GUCY1A2: variants seen among roughly 807,000 people sequenced by gnomAD.
The protein encoded by GUCY1A2 is guanylate cyclase 1 soluble subunit alpha 2, also known as guanylate cyclase soluble subunit alpha-2.
A neutral mutation model predicts 63.5 loss-of-function variants in GUCY1A2; 27 were observed. The ratio of observed to expected loss-of-function variants is 0.43; its 90% CI spans 0.31 to 0.59. The LOEUF (loss-of-function observed/expected upper bound fraction) is 0.59, where lower values mean the gene tolerates loss of function less well. GUCY1A2 is among the 20% of genes least tolerant of loss of function. The probability of loss-of-function intolerance (pLI) is 0.11; values close to 1 mark genes in which losing one functional copy is unlikely to be tolerated. For synonymous variants in GUCY1A2, 364 were observed against 343.5 expected (o/e 1.06, Z -0.66); for missense variants, 768 against 913.3 (o/e 0.84, Z 2.05).
chr11:106,997,687 T>C (rs1365476527), intron 1 of GUCY1A2, among the ~76,000 whole-genome samples: 5 of 128,320 alleles, frequency 3.9e-5, no homozygotes, highest in East Asian at 2.6e-4. Context: ...TGAGAAATAA[T>C]AGCATGGTAG....
intron 4 of GUCY1A2, among the ~76,000 whole-genome samples, chr11:106,921,369 C>T (rs1279989939): frequency 6.6e-6 from 1 of 151,120 alleles, no homozygotes; most frequent in South Asian, 2.1e-4. Context: ...CCCAGGGATC[C>T]ATGCCAGACA....
In GUCY1A2 at chr11:106,729,732, G is replaced by C. The variant is rs189188513; in HGVS notation, c.1837-21066C>G. ...GAGTAATCACAATTAATTATGCCAG[G>C]CTAGAAAGAGTGAAAATATCTTGAT... On this transcript the variant is annotated intron_variant, in intron 6 of 7. Coordinates refer to ENST00000526355, the MANE Select transcript of GUCY1A2 (RefSeq NM_000855.3). 7.2e-3 allele frequency among the ~76,000 whole-genome samples: 1,101 copies of C among 152,090 alleles called. 12 individuals carry two copies. Among genetic ancestry groups the C allele is most frequent in the Non-Finnish European group, 8.0e-3 (541 of 67,962 alleles).
rs144816417 is a variant in GUCY1A2, at chr11:106,902,379, C to T, written c.1206+37081G>A. Among the ~76,000 whole-genome samples the T allele has an allele frequency of 2.1e-4, 32 of 152,170 alleles. No individual in the cohort carries two copies. The South Asian group carries it at 2.5e-3, about 12-fold the overall frequency. ...ACCCAAGGATTTTCAAAATGGTAAA[C>T]GAAAATTGGTTTCAACTTAAAGTCA... On this transcript the variant is annotated intron_variant, in intron 4 of 7. Transcript: ENST00000526355.
chr11:106,843,454 G>A (rs991205675), intron 4 of GUCY1A2, among the ~76,000 whole-genome samples: 1 of 151,726 alleles, frequency 6.6e-6, no homozygotes, highest in Non-Finnish European at 1.5e-5. Context: ...GCTACTGAAA[G>A]GCACAGAAAT....
intron 3 of GUCY1A2, among the ~76,000 whole-genome samples, chr11:106,950,733 C>G (rs193004877): frequency 6.6e-6 from 1 of 152,188 alleles, no homozygotes; most frequent in East Asian, 1.9e-4. Context: ...TTACTCAGAG[C>G]TGTTAATCAA....
intron 7 of GUCY1A2, among the ~76,000 whole-genome samples, chr11:106,695,834 A>G: frequency 6.6e-6 from 1 of 152,148 alleles, no homozygotes; most frequent in Admixed American, 6.5e-5. Flanking sequence ...GGTTGCAAAT[A>G]TTTTTACTTG....
At chr11:106,696,743 G>T (rs748625235) in intron 7 of GUCY1A2, among the ~76,000 whole-genome samples, 5 of 151,976 alleles carry the variant, frequency 3.3e-5, no homozygotes, top group Admixed American at 6.6e-5. Context: ...GAGTTCAACC[G>T]ACTTCTTATA....
rs149424751 is a variant in GUCY1A2, at chr11:106,940,038, T to C, written c.628A>G (p.Ile210Val). Residue 210 changes from isoleucine (I) to valine (V), a missense_variant, in exon 4 of 8, where the codon ATT becomes GTT. Ile to Val is a conservative substitution (Grantham distance 29). Transcript: ENST00000526355. ...GCCTGTTTTCCAAAAGAAGTTCTAA[T>C]GTGTTCCAACAAAGCATCAAAGCCG... ...FNGFDALLEHIRTSFGKQATL... is the reference protein window; with the variant it reads ...FNGFDALLEHVRTSFGKQATL... 2 of 1,613,878 alleles carry C rather than the reference T, an allele frequency of 1.2e-6. No individual in the cohort carries two copies. Among genetic ancestry groups the C allele is most frequent in the African/African-American group, 2.7e-5 (2 of 74,892 alleles).
At chr11:107,002,388 GGTGTGTGTGTGT>G (rs71044205) in intron 1 of GUCY1A2, among the ~76,000 whole-genome samples, 2 of 149,034 alleles carry the variant, frequency 1.3e-5, no homozygotes, top group Non-Finnish European at 3.0e-5. Context: ...AATAAGAACA[GGTGTGTGTGTGT>G]GTGTGTGTGT....
chr11:106,955,642 T>C (rs1400109385), intron 3 of GUCY1A2, among the ~76,000 whole-genome samples: 3 of 152,190 alleles, frequency 2.0e-5, no homozygotes, highest in African/African-American at 7.2e-5. Flanking sequence ...TTTTCTGGCT[T>C]GTAGAGTTTC....
intron 6 of GUCY1A2, among the ~76,000 whole-genome samples, chr11:106,768,289 C>A (rs1475787434): frequency 2.6e-5 from 4 of 152,102 alleles, no homozygotes; most frequent in African/African-American, 9.7e-5. Flanking sequence ...CCACCACATG[C>A]AGCTAGAATG....
chr11:106,736,580 T>C (rs1422449375), intron 6 of GUCY1A2, among the ~76,000 whole-genome samples: 3 of 152,190 alleles, frequency 2.0e-5, no homozygotes, highest in Non-Finnish European at 4.4e-5. Context: ...TCCAGTCTTA[T>C]TCTTTTTGCT....
chr11:106,866,049 C>T (rs764764090), intron 4 of GUCY1A2, among the ~76,000 whole-genome samples: 43 of 151,796 alleles, frequency 2.8e-4, no homozygotes, highest in Non-Finnish European at 5.9e-4. Flanking sequence ...TGTGTTAAGG[C>T]TTATAATATT....
intron 6 of GUCY1A2, among the ~76,000 whole-genome samples, chr11:106,733,532 A>G (rs1863538275): frequency 6.6e-6 from 1 of 152,176 alleles, no homozygotes; most frequent in Non-Finnish European, 1.5e-5. Context: ...GATCATATAT[A>G]AAGTAATTAC....
intron 5 of GUCY1A2, among the ~76,000 whole-genome samples, chr11:106,794,410 G>A (rs571226198): frequency 9.2e-5 from 14 of 151,968 alleles, no homozygotes; most frequent in Non-Finnish European, 2.1e-4. Context: ...ACATTCTGGG[G>A]ATCTACCATA....
At chr11:106,692,849 C>T (rs1248860952) in intron 7 of GUCY1A2, among the ~76,000 whole-genome samples, 8 of 152,060 alleles carry the variant, frequency 5.3e-5, no homozygotes, top group East Asian at 1.9e-4. Context: ...TTTTTATTTG[C>T]GAATTTGCCC....
chr11:106,942,194 TA>T (rs1275769837), intron 3 of GUCY1A2, among the ~76,000 whole-genome samples: 2 of 152,346 alleles, frequency 1.3e-5, no homozygotes, highest in Admixed American at 1.3e-4. Context: ...TTATCTTACT[TA>T]ACCTTGTTTG....
At chr11:106,903,302 T>C (rs1229207513) in intron 4 of GUCY1A2, among the ~76,000 whole-genome samples, 1 of 152,288 alleles carries the variant, frequency 6.6e-6, no homozygotes. Context: ...ACATCCAATT[T>C]TCTCAGTTCA....
At chr11:106,965,400 C>T (rs556578379) in intron 3 of GUCY1A2, among the ~76,000 whole-genome samples, 1 of 152,198 alleles carries the variant, frequency 6.6e-6, no homozygotes, top group East Asian at 1.9e-4. Context: ...CATGTGTATA[C>T]ATACATATGT....
Sources: allele counts gnomAD v4.1 joint callset (sites outside exome capture counted in the v4.1 genomes callset), GRCh38; gene constraint gnomAD v4.1.1; transcripts MANE v1.5; gene names NCBI Gene and HGNC (gene_info 2026-07-23, HGNC 2026-07-21).